Variants in ASPRV1 observed in about 807,000 individuals in gnomAD.
ASPRV1 encodes aspartic peptidase retroviral like 1.
A neutral mutation model predicts 11.0 loss-of-function variants in ASPRV1; 7 were observed. That is an observed-to-expected ratio of 0.64 (90% CI 0.36 to 1.20). The LOEUF is 1.20. Among genes scored for constraint, ASPRV1 ranks in the 50% most tolerant of loss-of-function variants. ASPRV1 has a pLI of 0.02. For synonymous variants in ASPRV1, 136 were observed against 138.4 expected (o/e 0.98, Z 0.12); for missense variants, 299 against 320.0 (o/e 0.93, Z 0.50).
At chr2:69,965,522 G>A (rs565166782), upstream of ASPRV1, among the ~76,000 whole-genome samples, 4 of 152,210 alleles carry the variant, frequency 2.6e-5, no homozygotes, top group African/African-American at 9.6e-5. Context: ...AATTTGTGTT[G>A]GGCCACATTC....
At chr2:69,996,740 C>T in the ASPRV1 span, 1 of 456,588 alleles carries the variant, frequency 2.2e-6, no homozygotes. Flanking sequence ...TCTACGGAAA[C>T]CATCTACCTG....
At chr2:70,024,294 T>C in the ASPRV1 span, among the ~76,000 whole-genome samples, 1 of 152,184 alleles carries the variant, frequency 6.6e-6, no homozygotes, top group East Asian at 1.9e-4. Context: ...GCAGAAGTGA[T>C]ATACTAGGAT....
chr2:69,999,182 C>T, the ASPRV1 span, among the ~76,000 whole-genome samples: 1 of 152,114 alleles, frequency 6.6e-6, no homozygotes, highest in African/African-American at 2.4e-5. Context: ...TCGCAACGCA[C>T]TACAGCCTTC....
the ASPRV1 span, among the ~76,000 whole-genome samples, chr2:69,951,446 AGTGTGT>A: frequency 0.036 from 3,882 of 107,316 alleles, 88 homozygotes; most frequent in Non-Finnish European, 0.048. Context: ...AAAAAAAGTG[AGTGTGT>A]GTGTGTGTGT....
At chr2:69,999,879 G>A in the ASPRV1 span, among the ~76,000 whole-genome samples, 3 of 145,408 alleles carry the variant, frequency 2.1e-5, no homozygotes, top group Admixed American at 7.1e-5. Context: ...GAGTCACCCC[G>A]GGCTCCTCCT....
At chr2:70,020,304 G>T in the ASPRV1 span, among the ~76,000 whole-genome samples, 1 of 152,074 alleles carries the variant, frequency 6.6e-6, no homozygotes, top group Admixed American at 6.6e-5. Context: ...TGTTTGTTGC[G>T]GTATTATCAC....
chr2:69,963,306 G>A (rs557050330), upstream of ASPRV1: 21 of 456,608 alleles, frequency 4.6e-5, 1 homozygote, highest in South Asian at 2.5e-4. Flanking sequence ...GTGGTTCTTT[G>A]AGAAGACTGT....
At chr2:69,962,330 A>G (rs1678153851), upstream of ASPRV1, 1 of 160,720 alleles carries the variant, frequency 6.2e-6, no homozygotes, top group South Asian at 2.1e-4. Flanking sequence ...AACTCTGGGT[A>G]GGCCCCATAC....
the ASPRV1 span, among the ~76,000 whole-genome samples, chr2:70,037,563 C>G: frequency 6.6e-6 from 1 of 152,118 alleles, no homozygotes. Context: ...GCTGAAATAG[C>G]CTTTTTCTAT....
At chr2:69,970,435 A>T in the ASPRV1 span, among the ~76,000 whole-genome samples, 1 of 152,032 alleles carries the variant, frequency 6.6e-6, no homozygotes, top group Admixed American at 6.6e-5. Context: ...TGCTCTACCT[A>T]TACAAAATGG....
the ASPRV1 span, among the ~76,000 whole-genome samples, chr2:70,052,218 G>A: frequency 1.3e-5 from 2 of 152,018 alleles, no homozygotes; most frequent in Non-Finnish European, 2.9e-5. Flanking sequence ...ATCTTGTTAC[G>A]GGAGTCAAAG....
At chr2:69,969,989 C>T in the ASPRV1 span, among the ~76,000 whole-genome samples, 1 of 152,054 alleles carries the variant, frequency 6.6e-6, no homozygotes, top group Non-Finnish European at 1.5e-5. Flanking sequence ...GCCTTGGCCT[C>T]CCAAAGTGCC....
At chr2:70,062,325 T>C in the ASPRV1 span, among the ~76,000 whole-genome samples, 3 of 151,980 alleles carry the variant, frequency 2.0e-5, no homozygotes, top group South Asian at 4.1e-4. Context: ...CATATATATA[T>C]GATCTGGAGA....
At chr2:70,052,561 C>T in the ASPRV1 span, among the ~76,000 whole-genome samples, 44 of 152,234 alleles carry the variant, frequency 2.9e-4, 1 homozygote, top group South Asian at 8.9e-3. Flanking sequence ...TTCACTGATC[C>T]TCCTCCCAAT....
chr2:69,989,033 G>A, the ASPRV1 span, among the ~76,000 whole-genome samples: 1 of 152,090 alleles, frequency 6.6e-6, no homozygotes, highest in Non-Finnish European at 1.5e-5. Flanking sequence ...AACAACCACT[G>A]ACCAGGAGAT....
chr2:70,085,851 T>C, the ASPRV1 span: 6 of 152,262 alleles, frequency 3.9e-5, no homozygotes, highest in Non-Finnish European at 8.8e-5. Context: ...AGAGGCACTG[T>C]AGTCTCTTCG....
chr2:70,027,259 CAAAAAAAAAAAAAA>C, the ASPRV1 span, among the ~76,000 whole-genome samples: 1 of 49,666 alleles, frequency 2.0e-5, no homozygotes, highest in African/African-American at 6.3e-5. Flanking sequence ...CCCTGTCTCT[CAAAAAAAAAAAAAA>C]AAAAAAAAAA....
upstream of ASPRV1, chr2:69,963,474 A>G (rs1217912606): frequency 2.2e-6 from 1 of 456,036 alleles, no homozygotes; most frequent in Non-Finnish European, 4.4e-6. Flanking sequence ...ATTCCCTGGT[A>G]TTCATTACCT....
chr2:69,950,997 CGA>C, the ASPRV1 span, among the ~76,000 whole-genome samples: 1 of 151,200 alleles, frequency 6.6e-6, no homozygotes, highest in African/African-American at 2.4e-5. Context: ...AAGGCAAGAA[CGA>C]GAGAGTGAAA....
Sources: gnomAD v4.1 joint callset for allele counts (sites outside exome capture counted in the v4.1 genomes callset) on GRCh38, gnomAD v4.1.1 for gene constraint, MANE v1.5 for transcripts, NCBI Gene and HGNC (gene_info 2026-07-23, HGNC 2026-07-21) for gene names.